The following CDKAL1 variants were observed in gnomAD, a reference collection of about 807,000 sequenced individuals.
CDKAL1 encodes the protein threonylcarbamoyladenosine tRNA methylthiotransferase.
In CDKAL1, 32 loss-of-function variants were observed where a neutral mutation model predicts 68.2. That is an observed-to-expected ratio of 0.47 (90% CI 0.35 to 0.63). The LOEUF is 0.63. CDKAL1 is among the 30% of genes least tolerant of loss of function. The pLI is 0.00. For synonymous variants in CDKAL1, 234 were observed against 244.3 expected, an observed-to-expected ratio of 0.96 and a Z score of 0.39; for missense variants, 606 against 696.7, an observed-to-expected ratio of 0.87 and a Z score of 1.47.
At chr6:20,564,339 G>GT (rs1764377297) in intron 4 of CDKAL1, among the ~76,000 whole-genome samples, 2 of 152,174 alleles carry the variant, frequency 1.3e-5, no homozygotes, top group South Asian at 2.1e-4. Flanking sequence ...TGTTAAAGAT[G>GT]TTTTTGTACA....
At chr6:21,033,439 T>C (rs963507142) in intron 11 of CDKAL1, among the ~76,000 whole-genome samples, 4 of 152,056 alleles carry the variant, frequency 2.6e-5, no homozygotes, top group Non-Finnish European at 4.4e-5. Context: ...AAACCGTTGA[T>C]ATCATAGAAG....
chr6:20,906,775 G>A (rs1762247780), intron 9 of CDKAL1, among the ~76,000 whole-genome samples: 1 of 152,066 alleles, frequency 6.6e-6, no homozygotes, highest in South Asian at 2.1e-4. Flanking sequence ...GAAAATGAGG[G>A]ACAAAACAAA....
intron 12 of CDKAL1, among the ~76,000 whole-genome samples, chr6:21,098,421 G>A (rs777032865): frequency 6.6e-6 from 1 of 151,814 alleles, no homozygotes; most frequent in Non-Finnish European, 1.5e-5. Flanking sequence ...TTGAAGTGTT[G>A]TGTCATGAAT....
chr6:20,895,384 G>A (rs572823201), intron 9 of CDKAL1, among the ~76,000 whole-genome samples: 17 of 152,186 alleles, frequency 1.1e-4, no homozygotes, highest in African/African-American at 4.1e-4. Flanking sequence ...TGAAATTGTG[G>A]GTTAATGAAT....
chr6:20,723,524 T>A (rs1581449269), intron 5 of CDKAL1: 3 of 159,830 alleles, frequency 1.9e-5, no homozygotes, highest in Admixed American at 1.2e-4. Context: ...GGGGCACCCC[T>A]GCTGGGAGTC....
intron 9 of CDKAL1, among the ~76,000 whole-genome samples, chr6:20,900,985 G>A (rs1042928511): frequency 5.9e-5 from 9 of 152,052 alleles, no homozygotes; most frequent in African/African-American, 1.9e-4. Context: ...GAGACGTGTC[G>A]TCTTTCATAT....
chr6:20,843,612 G>T (rs1175739156), intron 8 of CDKAL1, among the ~76,000 whole-genome samples: 2 of 152,070 alleles, frequency 1.3e-5, no homozygotes, highest in East Asian at 3.8e-4. Flanking sequence ...AAATAATTTT[G>T]TGCATGAAGC....
chr6:20,646,824 A>G (rs575461909), intron 4 of CDKAL1, among the ~76,000 whole-genome samples: 2 of 151,910 alleles, frequency 1.3e-5, no homozygotes, highest in South Asian at 2.1e-4. Context: ...GCTTACTGCA[A>G]CCTCCACCTC....
Position 20,649,303 on chromosome 6 carries a change from C to A in CDKAL1, c.297C>A (p.Ser99=). The stretch of plus-strand genomic sequence containing the variant: ...TCATTTTTTTAATAGAAAATGCATC[C>A]GATGCAGATTTATGGCTCCTGAACA... ...AYGYKITENA[S]DADLWLLNSC... The change falls in exon 5 of 16, where the codon TCC becomes TCA. Residue 99 remains serine (S), a synonymous_variant. Transcript: ENST00000274695. 1 of 1,604,680 alleles carries A rather than the reference C, an allele frequency of 6.2e-7. No homozygotes were observed. The highest frequency in any genetic ancestry group is 8.5e-7 in the Non-Finnish European group (1 of 1,176,122).
intron 8 of CDKAL1, among the ~76,000 whole-genome samples, chr6:20,822,180 T>C (rs541688855): frequency 6.6e-6 from 1 of 152,314 alleles, no homozygotes; most frequent in African/African-American, 2.4e-5. Flanking sequence ...AGCATTATAC[T>C]GAGTATATGG....
intron 4 of CDKAL1, among the ~76,000 whole-genome samples, chr6:20,597,050 T>C (rs1245196820): frequency 6.6e-6 from 1 of 152,264 alleles, no homozygotes; most frequent in Non-Finnish European, 1.5e-5. Flanking sequence ...TCTGTGTTGA[T>C]CTGGCTGGGA....
intron 4 of CDKAL1, chr6:20,558,752 C>A: frequency 2.8e-6 from 1 of 360,212 alleles, no homozygotes; most frequent in Non-Finnish European, 5.5e-6. Flanking sequence ...AATTTAAAGG[C>A]GTTACAATAC....
chr6:20,923,910 G>C (rs1336318783), intron 9 of CDKAL1, among the ~76,000 whole-genome samples: 1 of 152,090 alleles, frequency 6.6e-6, no homozygotes, highest in African/African-American at 2.4e-5. Flanking sequence ...TACCAGGGAG[G>C]CTGAAGTGGG....
At chr6:20,848,282 T>TTTTTGGTTTTTTTG (rs748895788) in intron 9 of CDKAL1, among the ~76,000 whole-genome samples, 1,300 of 111,316 alleles carry the variant, frequency 0.012, 47 homozygotes, top group Admixed American at 0.085. Flanking sequence ...GAAAGTTGTT[T>TTTTTGGTTTTTTTG]TTTTTTTTTT....
intron 11 of CDKAL1, among the ~76,000 whole-genome samples, chr6:21,047,220 GA>G: frequency 2.0e-5 from 3 of 152,160 alleles, no homozygotes; most frequent in Admixed American, 2.0e-4. Context: ...CAGGGAAAGA[GA>G]AAGTGGAAAT....
intron 4 of CDKAL1, among the ~76,000 whole-genome samples, chr6:20,548,938 C>T (rs1763710772): frequency 1.3e-5 from 2 of 152,126 alleles, no homozygotes; most frequent in African/African-American, 4.8e-5. Context: ...CACATATGCC[C>T]ATCACCAAGC....
At chr6:20,876,861 C>T (rs544012034) in intron 9 of CDKAL1, among the ~76,000 whole-genome samples, 1 of 152,294 alleles carries the variant, frequency 6.6e-6, no homozygotes, top group South Asian at 2.1e-4. Context: ...CACACACGTA[C>T]ACACAGAGCT....
intron 5 of CDKAL1, among the ~76,000 whole-genome samples, chr6:20,707,114 G>A (rs1472481238): frequency 6.6e-6 from 1 of 152,118 alleles, no homozygotes; most frequent in African/African-American, 2.4e-5. Flanking sequence ...GATATGAGGA[G>A]TTACATTACA....
At chr6:21,093,240 G>A (rs375813313) in intron 12 of CDKAL1, among the ~76,000 whole-genome samples, 5 of 152,134 alleles carry the variant, frequency 3.3e-5, no homozygotes, top group African/African-American at 1.2e-4. Flanking sequence ...CTTACCAACA[G>A]CACCCAGAGA....
Sources: gnomAD v4.1 joint callset for allele counts (sites outside exome capture counted in the v4.1 genomes callset) on GRCh38, gnomAD v4.1.1 for gene constraint, MANE v1.5 for transcripts, NCBI Gene and HGNC (gene_info 2026-07-23, HGNC 2026-07-21) for gene names.